The following SYN3 variants were observed in gnomAD, a reference collection of about 807,000 sequenced individuals.
SYN3 encodes the protein synapsin-3.
Under a neutral mutation model 65.8 loss-of-function variants are expected in SYN3, and 35 were observed. The ratio of observed to expected loss-of-function variants is 0.53; its 90% confidence interval spans 0.41 to 0.70. The LOEUF (loss-of-function observed/expected upper bound fraction) is 0.70. Among genes scored for constraint, SYN3 ranks in the 30% least tolerant of loss-of-function variants. The pLI, the probability that SYN3 is intolerant of heterozygous loss-of-function variation, is 0.00. For synonymous variants in SYN3, 270 were observed against 292.9 expected, an observed-to-expected ratio of 0.92 and a Z score of 0.80; for missense variants, 680 against 749.0, an observed-to-expected ratio of 0.91 and a Z score of 1.08.
At chr22:32,887,046 T>C (rs2049313516) in intron 4 of SYN3, among the ~76,000 whole-genome samples, 1 of 152,138 alleles carries the variant, frequency 6.6e-6, no homozygotes, top group Admixed American at 6.5e-5. Flanking sequence ...GTATTCTTGT[T>C]CTCCCTTGCT....
intron 6 of SYN3, among the ~76,000 whole-genome samples, chr22:32,840,499 C>T (rs568310583): frequency 3.3e-5 from 5 of 152,220 alleles, no homozygotes; most frequent in African/African-American, 9.6e-5. Flanking sequence ...TCGCCGCTCC[C>T]CACCCCCAGC....
At chr22:32,699,337 G>A (rs956239078) in intron 6 of SYN3, among the ~76,000 whole-genome samples, 2 of 152,230 alleles carry the variant, frequency 1.3e-5, no homozygotes, top group Non-Finnish European at 2.9e-5. Context: ...CCTGAACCCT[G>A]CTGGGCTCAG....
chr22:32,846,728 T>C (rs2048073765), intron 6 of SYN3, among the ~76,000 whole-genome samples: 1 of 152,094 alleles, frequency 6.6e-6, no homozygotes. Flanking sequence ...CCAATAGTAA[T>C]AAGCAAATCA....
At chr22:32,618,719 T>A (rs935094393) in intron 6 of SYN3, among the ~76,000 whole-genome samples, 2 of 151,994 alleles carry the variant, frequency 1.3e-5, no homozygotes, top group African/African-American at 4.8e-5. Context: ...TGGGACAACA[T>A]CATGAGCTGA....
intron 6 of SYN3, among the ~76,000 whole-genome samples, chr22:32,654,578 T>C (rs1258763404): frequency 6.6e-6 from 1 of 152,056 alleles, no homozygotes; most frequent in Non-Finnish European, 1.5e-5. Context: ...TGGAGGTACT[T>C]CTGTCTCTCT....
chr22:32,964,125 T>C (rs375787687), intron 3 of SYN3, among the ~76,000 whole-genome samples: 2 of 151,798 alleles, frequency 1.3e-5, no homozygotes, highest in Non-Finnish European at 2.9e-5. Flanking sequence ...CTCAGGGCTG[T>C]TGCTTAGGGA....
chr22:33,023,620 G>A (rs980716749), intron 1 of SYN3, among the ~76,000 whole-genome samples: 5 of 152,212 alleles, frequency 3.3e-5, no homozygotes, highest in Non-Finnish European at 2.9e-5. Context: ...GGAGGCTGAG[G>A]TGGGAGGATT....
chr22:33,007,326 T>C (rs555481924), intron 1 of SYN3, among the ~76,000 whole-genome samples: 1 of 152,260 alleles, frequency 6.6e-6, no homozygotes, highest in Non-Finnish European at 1.5e-5. Flanking sequence ...ATAAAAGAAA[T>C]CAAAGTGTTA....
chr22:32,797,537 A>C (rs540818231), intron 6 of SYN3, among the ~76,000 whole-genome samples: 153 of 152,250 alleles, frequency 1.0e-3, no homozygotes, highest in Non-Finnish European at 1.6e-3. Context: ...GTGATAAAAA[A>C]GACACCTTCC....
intron 6 of SYN3, among the ~76,000 whole-genome samples, chr22:32,718,870 T>C (rs2061076477): frequency 6.6e-6 from 1 of 152,208 alleles, no homozygotes; most frequent in South Asian, 2.1e-4. Flanking sequence ...CCTTTTAATA[T>C]TATACTCTCC....
At chr22:32,718,650 C>G (rs139590432) in intron 6 of SYN3, among the ~76,000 whole-genome samples, 5 of 135,668 alleles carry the variant, frequency 3.7e-5, no homozygotes, top group Non-Finnish European at 8.1e-5. Flanking sequence ...TGAAACTGAC[C>G]AAAAAAAAAA....
chr22:32,636,327 G>A (rs375865285), intron 6 of SYN3, among the ~76,000 whole-genome samples: 2 of 151,646 alleles, frequency 1.3e-5, no homozygotes, highest in African/African-American at 4.8e-5. Context: ...GCGTGAACCC[G>A]GGAGGCGGAG....
intron 7 of SYN3, among the ~76,000 whole-genome samples, chr22:32,586,862 G>A (rs1261157004): frequency 6.6e-6 from 1 of 152,154 alleles, no homozygotes; most frequent in Non-Finnish European, 1.5e-5. Context: ...GGAGCACAGT[G>A]CCTAAAGTCT....
chr22:32,854,195 G>A (rs1209883372), intron 6 of SYN3, among the ~76,000 whole-genome samples: 1 of 152,182 alleles, frequency 6.6e-6, no homozygotes, highest in African/African-American at 2.4e-5. Flanking sequence ...CCTTTGCCAT[G>A]TTGTTCTTTT....
chr22:32,802,612 T>C (rs1339996872), intron 6 of SYN3, among the ~76,000 whole-genome samples: 1 of 152,004 alleles, frequency 6.6e-6, no homozygotes. Flanking sequence ...TGAAATTCAT[T>C]CTTTTCACTG....
rs114607607 is a variant in SYN3, at chr22:32,578,775, C to T, written c.774+17899G>A. 6.1e-3 allele frequency among the ~76,000 whole-genome samples: 923 copies of T among 152,282 alleles called. 6 individuals carry two copies. Among genetic ancestry groups the T allele is most frequent in the African/African-American group, 0.021 (857 of 41,558 alleles). ...ATTCCTCATTGGGGTTTATTGTACA[C>T]ATTTTTGGAAAAGCATTGTGTTAGG... On this transcript the variant is annotated intron_variant, in intron 7 of 13. Transcript: ENST00000358763.
chr22:32,649,527 C>T (rs566402968), intron 6 of SYN3, among the ~76,000 whole-genome samples: 10 of 152,270 alleles, frequency 6.6e-5, no homozygotes, highest in African/African-American at 2.4e-4. Context: ...AGAAAGGAAA[C>T]AGCTGAGCTT....
At chr22:32,920,136 A>T (rs1430994631) in intron 4 of SYN3, among the ~76,000 whole-genome samples, 2 of 152,152 alleles carry the variant, frequency 1.3e-5, no homozygotes, top group Admixed American at 6.5e-5. Context: ...TAATGAGCGG[A>T]TGCACATTAT....
intron 2 of SYN3, among the ~76,000 whole-genome samples, chr22:32,987,594 C>G (rs1261077301): frequency 6.6e-6 from 1 of 152,214 alleles, no homozygotes; most frequent in Non-Finnish European, 1.5e-5. Flanking sequence ...AGTGATGAGA[C>G]TCCCTATGCC....
Sources: gnomAD v4.1 joint callset for allele counts (sites outside exome capture counted in the v4.1 genomes callset) on GRCh38, gnomAD v4.1.1 for gene constraint, MANE v1.5 for transcripts, NCBI Gene and HGNC (gene_info 2026-07-23, HGNC 2026-07-21) for gene names.